GRXCR2: variants seen among roughly 807,000 people sequenced by gnomAD.
GRXCR2 encodes glutaredoxin and cysteine rich domain containing 2.
Under a neutral mutation model 24.8 loss-of-function variants are expected in GRXCR2, and 23 were observed. That is an observed-to-expected ratio of 0.93 (90% confidence interval 0.67 to 1.32). The LOEUF (loss-of-function observed/expected upper bound fraction) is 1.32. GRXCR2 is among the 40% of genes most tolerant of loss of function. The pLI, the probability that GRXCR2 is intolerant of heterozygous loss-of-function variation, is 0.00. For synonymous variants in GRXCR2, 130 were observed against 116.1 expected, an observed-to-expected ratio of 1.12 and a Z score of -0.77; for missense variants, 315 against 303.4, an observed-to-expected ratio of 1.04 and a Z score of -0.28.
At chr5:145,897,313 C>T (rs1330022933) in intron 2 of GRXCR2, among the ~76,000 whole-genome samples, 1 of 151,170 alleles carries the variant, frequency 6.6e-6, no homozygotes, top group South Asian at 2.1e-4. Context: ...TACCCTAAAA[C>T]TTAAAGTATA....
At chr5:145,901,469 G>T (rs1297814309) in intron 2 of GRXCR2, among the ~76,000 whole-genome samples, 1 of 152,146 alleles carries the variant, frequency 6.6e-6, no homozygotes. Flanking sequence ...ACAATGGTAG[G>T]TGTTAGGAAT....
chr5:145,877,645 A>T (rs562605280), upstream of GRXCR2, among the ~76,000 whole-genome samples: 9 of 152,354 alleles, frequency 5.9e-5, no homozygotes, highest in African/African-American at 2.2e-4. Context: ...CAAAGTGATC[A>T]ACGCAGAAGA....
chr5:145,880,268 G>A (rs959283885), intron 2 of GRXCR2, among the ~76,000 whole-genome samples: 6 of 151,796 alleles, frequency 4.0e-5, no homozygotes, highest in East Asian at 1.9e-4. Context: ...CTGTTTTTTC[G>A]AAAAGATCAA....
At position 145,915,357 on chromosome 5, in the gene GRXCR2, G is replaced by A. The variant is rs367622174; in HGVS notation, c.-70+20344C>T. Among the ~76,000 whole-genome samples the A allele has an allele frequency of 5.9e-5, 9 of 152,172 alleles. No individual in the cohort carries two copies. The South Asian group carries it at 1.7e-3, about 28-fold the overall frequency. On this transcript the variant is annotated intron_variant, in intron 2 of 3. Transcript: ENST00000639411. ...CCTGCTTGGCCTGACCTTTCCTGAG[G>A]CTATTGTCCACCTTGATTCTGTAGG...
chr5:145,920,136 C>T (rs1407456882), intron 2 of GRXCR2, among the ~76,000 whole-genome samples: 1 of 152,108 alleles, frequency 6.6e-6, no homozygotes. Context: ...AAAATAAGGA[C>T]CCTAAAATTA....
intron 2 of GRXCR2, among the ~76,000 whole-genome samples, chr5:145,917,933 C>T (rs1048813912): frequency 1.3e-5 from 2 of 152,190 alleles, no homozygotes; most frequent in African/African-American, 4.8e-5. Flanking sequence ...GTGCCCACCA[C>T]CATGCACAGC....
At chr5:145,890,831 T>C (rs571418154) in intron 2 of GRXCR2, among the ~76,000 whole-genome samples, 21 of 150,674 alleles carry the variant, frequency 1.4e-4, no homozygotes, top group African/African-American at 5.1e-4. Flanking sequence ...AAGGGCAAGT[T>C]GAATTAAAAA....
intron 2 of GRXCR2, among the ~76,000 whole-genome samples, chr5:145,910,025 T>A (rs1385592889): frequency 1.3e-5 from 2 of 152,194 alleles, no homozygotes; most frequent in Non-Finnish European, 2.9e-5. Context: ...CTCTTACTCA[T>A]TGGAACTGTC....
chr5:145,915,720 C>T (rs138607860), intron 2 of GRXCR2, among the ~76,000 whole-genome samples: 1 of 150,500 alleles, frequency 6.6e-6, no homozygotes, highest in East Asian at 2.0e-4. Context: ...GGTGACAGAG[C>T]AACACTTCAT....
chr5:145,882,024 T>G (rs1581339036), intron 2 of GRXCR2, among the ~76,000 whole-genome samples: 1 of 152,070 alleles, frequency 6.6e-6, no homozygotes, highest in African/African-American at 2.4e-5. Flanking sequence ...TTAATTCAAG[T>G]TGGATTAAAG....
At chr5:145,886,707 T>C (rs1370227377) in intron 2 of GRXCR2, among the ~76,000 whole-genome samples, 1 of 152,208 alleles carries the variant, frequency 6.6e-6, no homozygotes, top group African/African-American at 2.4e-5. Context: ...TATTATAATG[T>C]AAGCCACATA....
At chr5:145,881,031 A>G (rs1426095034) in intron 2 of GRXCR2, among the ~76,000 whole-genome samples, 1 of 152,238 alleles carries the variant, frequency 6.6e-6, no homozygotes, top group African/African-American at 2.4e-5. Flanking sequence ...AATGTATCTC[A>G]AAATAATAAG....
intron 2 of GRXCR2, among the ~76,000 whole-genome samples, chr5:145,903,771 G>A (rs1757056155): frequency 6.6e-6 from 1 of 152,190 alleles, no homozygotes; most frequent in African/African-American, 2.4e-5. Context: ...AATATTTATT[G>A]ATGTGTCAGA....
chr5:145,885,295 TCCA>T (rs1357975083), intron 2 of GRXCR2, among the ~76,000 whole-genome samples: 5 of 152,194 alleles, frequency 3.3e-5, no homozygotes, highest in Non-Finnish European at 7.3e-5. Context: ...CTGCCTCTAT[TCCA>T]CCACCACCAC....
intron 2 of GRXCR2, among the ~76,000 whole-genome samples, chr5:145,865,282 C>G (rs1444159312): frequency 6.6e-6 from 1 of 152,132 alleles, no homozygotes; most frequent in Non-Finnish European, 1.5e-5. Flanking sequence ...GCTACCCAAG[C>G]TTTTAATCTT....
chr5:145,889,156 G>A (rs529035348), intron 2 of GRXCR2, among the ~76,000 whole-genome samples: 8 of 137,206 alleles, frequency 5.8e-5, no homozygotes, highest in East Asian at 2.1e-4. Context: ...GTGACAGACC[G>A]AGACTCTGTC....
chr5:145,862,821 C>T (rs1191597416), intron 2 of GRXCR2, among the ~76,000 whole-genome samples: 1 of 152,158 alleles, frequency 6.6e-6, no homozygotes, highest in Non-Finnish European at 1.5e-5. Context: ...CCTCAGTTTC[C>T]CTAGCTGCAG....
At chr5:145,910,290 C>A (rs1757148003) in intron 2 of GRXCR2, among the ~76,000 whole-genome samples, 2 of 152,112 alleles carry the variant, frequency 1.3e-5, no homozygotes, top group Non-Finnish European at 2.9e-5. Flanking sequence ...GAAACACATG[C>A]CACCTCTCAT....
chr5:145,876,191 G>GTGTGTATATATATATA (rs1412232264), upstream of GRXCR2, among the ~76,000 whole-genome samples: 3 of 105,312 alleles, frequency 2.8e-5, no homozygotes, highest in African/African-American at 7.8e-5. Flanking sequence ...GTGTGTGTGT[G>GTGTGTATATATATATA]TATATATATA....
Sources: allele counts gnomAD v4.1 joint callset (sites outside exome capture counted in the v4.1 genomes callset), GRCh38; gene constraint gnomAD v4.1.1; transcripts MANE v1.5; gene names NCBI Gene and HGNC (gene_info 2026-07-23, HGNC 2026-07-21).